ODR4: variants seen among roughly 807,000 people sequenced by gnomAD.
ODR4 encodes the protein odr-4 GPCR localization factor homolog.
Under a neutral mutation model 60.2 loss-of-function variants are expected in ODR4, and 47 were observed. That is an observed-to-expected ratio of 0.78 (90% CI 0.62 to 1.00). ODR4 has a LOEUF of 1.00. Among genes scored for constraint, ODR4 ranks in the 50% least tolerant of loss-of-function variants. ODR4 has a pLI of 0.00. For synonymous variants in ODR4, 178 were observed against 175.5 expected, an observed-to-expected ratio of 1.01 and a Z score of -0.11; for missense variants, 488 against 530.8, an observed-to-expected ratio of 0.92 and a Z score of 0.79.
Position 186,402,150 on chromosome 1 carries a change from C to T in ODR4, c.1000+3106C>T, listed in dbSNP as rs202039306. 2.7e-5 allele frequency among the ~76,000 whole-genome samples: 4 copies of T among 146,504 alleles called. No homozygotes were observed. The East Asian group carries it at 8.0e-4, about 29-fold the overall frequency. ...GGTTCTGTGTCTATTCTGCTGCTAG[C>T]AGAGTAACCTCAGACAAATAACTTT... On this transcript the variant is annotated intron_variant, in intron 11 of 13. Coordinates refer to ENST00000287859, the MANE Select transcript of ODR4 (RefSeq NM_017847.6).
chr1:186,394,030 A>G lies in ODR4; in HGVS notation c.780+15A>G, dbSNP rs1260659029. 8 of 1,270,428 alleles carry G rather than the reference A, an allele frequency of 6.3e-6. No individual in the cohort carries two copies. The highest frequency in any genetic ancestry group is 2.5e-5 in the East Asian group (1 of 39,574). 78.7% of individuals were successfully genotyped at this position (1,270,428 alleles called of 1,614,324 possible). A position where few individuals can be genotyped will look rare whatever the true frequency, so the allele number is the denominator to read the frequency against. On this transcript the variant is annotated intron_variant, in intron 9 of 13. Coordinates refer to ENST00000287859, the MANE Select transcript of ODR4 (RefSeq NM_017847.6). ...TAACGCAGTTGGTAAATATTTTAAA[A>G]TAACACTTAAAATATTTATTAGCAT...
chr1:186,406,319 T>A (rs1208690936), intron 12 of ODR4, 51 bp downstream of exon 12: 1 of 1,352,520 alleles, frequency 7.4e-7, no homozygotes, highest in Admixed American at 2.5e-5. Flanking sequence ...GCTAAGATTT[T>A]ACCTATGAGA....
chr1:186,417,959 A>C (rs1661635039), intron 13 of ODR4, among the ~76,000 whole-genome samples: 1 of 152,238 alleles, frequency 6.6e-6, no homozygotes, highest in Non-Finnish European at 1.5e-5. Context: ...GGGTGTTCTT[A>C]GAATTACTAT....
At chr1:186,406,805 A>G (rs998494966) in intron 12 of ODR4, among the ~76,000 whole-genome samples, 2 of 150,708 alleles carry the variant, frequency 1.3e-5, no homozygotes, top group African/African-American at 4.9e-5. Context: ...TTTGTAACAC[A>G]TTTTTTTTTC....
At chr1:186,402,187 A>ATTCTTTAT (rs1553236965) in intron 11 of ODR4, among the ~76,000 whole-genome samples, 2 of 135,424 alleles carry the variant, frequency 1.5e-5, no homozygotes, top group Non-Finnish European at 3.1e-5. Context: ...TAGGCATCCT[A>ATTCTTTAT]TTCTTTCTTT....
downstream of ODR4, among the ~76,000 whole-genome samples, chr1:186,421,975 G>A (rs910015426): frequency 6.6e-6 from 1 of 151,838 alleles, no homozygotes; most frequent in African/African-American, 2.4e-5. Flanking sequence ...ATGGAGGCGG[G>A]TGGGGGGTGA....
intron 6 of ODR4, 100 bp from the exon 7 acceptor site, chr1:186,390,611 T>C (rs1320983141): frequency 1.3e-5 from 16 of 1,207,300 alleles, no homozygotes; most frequent in Middle Eastern, 2.0e-4. Context: ...GATATGAGTT[T>C]GTATGCGTTA....
chr1:186,425,130 T>TA (rs1320356618), downstream of ODR4, among the ~76,000 whole-genome samples: 1 of 152,110 alleles, frequency 6.6e-6, no homozygotes, highest in African/African-American at 2.4e-5. Context: ...TAGGAAACCT[T>TA]AAAGTCTCAT....
intron 5 of ODR4, among the ~76,000 whole-genome samples, chr1:186,389,213 C>G (rs574944233): frequency 6.6e-6 from 1 of 151,738 alleles, no homozygotes; most frequent in Admixed American, 6.6e-5. Context: ...TATACAAGCC[C>G]TTTAATCCAA....
At chr1:186,398,466 T>G in intron 10 of ODR4, 25 bp downstream of exon 10, 9 of 1,573,750 alleles carry the variant, frequency 5.7e-6, no homozygotes, top group Non-Finnish European at 7.8e-6. Context: ...AACGAGCATA[T>G]GGAACCATGT....
At chr1:186,403,488 T>C (rs1033636164) in intron 11 of ODR4, among the ~76,000 whole-genome samples, 2 of 152,088 alleles carry the variant, frequency 1.3e-5, no homozygotes, top group Non-Finnish European at 2.9e-5. Context: ...ATCTTATAGA[T>C]GCTGTAATAT....
At chr1:186,426,819 C>T in the ODR4 span, among the ~76,000 whole-genome samples, 2 of 152,212 alleles carry the variant, frequency 1.3e-5, no homozygotes, top group South Asian at 2.1e-4. Flanking sequence ...GGGTCCCAGA[C>T]AACCAAAACT....
chr1:186,389,554 C>A, intron 5 of ODR4, 34 bp from the exon 6 acceptor site: 1 of 1,482,318 alleles, frequency 6.7e-7, no homozygotes, highest in Non-Finnish European at 9.2e-7. Context: ...CCAATAATGC[C>A]TTTTTTGGTT....
At chr1:186,423,776 C>T (rs1367184487), downstream of ODR4, among the ~76,000 whole-genome samples, 2 of 151,782 alleles carry the variant, frequency 1.3e-5, no homozygotes, top group African/African-American at 4.8e-5. Flanking sequence ...TTATCATTGT[C>T]CTGTAGAAAA....
intron 11 of ODR4, among the ~76,000 whole-genome samples, chr1:186,402,187 A>ATTCTCTCTTTCTTTCTTTCT (rs1660989738): frequency 7.4e-6 from 1 of 135,424 alleles, no homozygotes; most frequent in African/African-American, 2.9e-5. Flanking sequence ...TAGGCATCCT[A>ATTCTCTCTTTCTTTCTTTCT]TTCTTTCTTT....
At chr1:186,432,510 T>A in the ODR4 span, among the ~76,000 whole-genome samples, 1 of 152,142 alleles carries the variant, frequency 6.6e-6, no homozygotes, top group East Asian at 1.9e-4. Flanking sequence ...CTGTGTTTTT[T>A]TGGGGGGTAA....
Position 186,419,421 on chromosome 1 carries a change from C to G in ODR4, c.*345C>G. ...CACATATTAATCAGGACATTAAAAA[C>G]TTTAACAGAGGCATGATGGCTCACA... On this transcript the variant is annotated 3_prime_UTR_variant, in exon 14 of 14. Transcript: ENST00000287859. 4.0e-6 allele frequency: 1 copy of G among 249,176 alleles called. No homozygotes were observed. The highest frequency in any genetic ancestry group is 7.9e-6 in the Non-Finnish European group (1 of 126,896). 15.4% of individuals were successfully genotyped at this position (249,176 alleles called of 1,614,324 possible). A position where few individuals can be genotyped will look rare whatever the true frequency, so the allele number is the denominator to read the frequency against.
At chr1:186,432,165 G>A in the ODR4 span, among the ~76,000 whole-genome samples, 3 of 152,192 alleles carry the variant, frequency 2.0e-5, no homozygotes, top group African/African-American at 4.8e-5. Flanking sequence ...TAAGGCTACA[G>A]TAGGAACATA....
chr1:186,419,267 G>C lies in ODR4; in HGVS notation c.*191G>C. On this transcript the variant is annotated 3_prime_UTR_variant, in exon 14 of 14. Coordinates refer to ENST00000287859, the MANE Select transcript of ODR4 (RefSeq NM_017847.6). The stretch of plus-strand genomic sequence containing the variant: ...GTTTAGCCTGCTTTACATTGTAGGT[G>C]GCCCGCATTTCCAGAAATAACGTTA... 1 of 574,284 alleles carries C rather than the reference G, an allele frequency of 1.7e-6. No homozygotes were observed. The highest frequency in any genetic ancestry group is 3.1e-6 in the Non-Finnish European group (1 of 324,034). 35.6% of individuals were successfully genotyped at this position (574,284 alleles called of 1,614,324 possible).
Sources: gnomAD v4.1 joint callset for allele counts (sites outside exome capture counted in the v4.1 genomes callset) on GRCh38, gnomAD v4.1.1 for gene constraint, MANE v1.5 for transcripts, NCBI Gene and HGNC (gene_info 2026-07-23, HGNC 2026-07-21) for gene names.